RIN2: variants seen among roughly 807,000 people sequenced by gnomAD.
RIN2 encodes the protein RAB5 interacting protein 2.
A neutral mutation model predicts 78.0 loss-of-function variants in RIN2; 36 were observed. That is an observed-to-expected ratio of 0.46 (90% CI 0.35 to 0.61). The LOEUF (loss-of-function observed/expected upper bound fraction) is 0.61, where lower values mean the gene tolerates loss of function less well. RIN2 is among the 20% of genes least tolerant of loss of function. The pLI is 0.00. For missense variants in RIN2, 1,087 were observed against 1,159.7 expected (o/e 0.94, Z 0.91); for synonymous variants, 466 against 466.8 (o/e 1.00, Z 0.02).
rs186884979 is a variant in RIN2 at position 19,900,437 on chromosome 20, T to G, written c.57+10779T>G. On this transcript the variant is annotated intron_variant, in intron 3 of 12. Coordinates refer to ENST00000255006, the MANE Select transcript of RIN2 (RefSeq NM_018993.4). Reference sequence around the variant, plus strand: ...GGCAGAGGTTGCAGTGAGCTGAGATTGTGCCACTGCACTCCAGCCTGGGCA... The same window carrying G: ...GGCAGAGGTTGCAGTGAGCTGAGATGGTGCCACTGCACTCCAGCCTGGGCA... Among the ~76,000 whole-genome samples, 4 of 151,418 alleles carry G rather than the reference T, an allele frequency of 2.6e-5. No individual in the cohort carries two copies. In the East Asian group the frequency reaches 7.9e-4, roughly 30 times the overall value.
In RIN2 at chr20:19,885,100, T is replaced by G. The variant is rs75135870; in HGVS notation, c.-36-4466T>G. ...ACCTCATGCAGCACGGAGATGAGAATCCAGGACTTGAGTACACTAAGTGTC... is the reference window on the plus strand; with the variant it reads ...ACCTCATGCAGCACGGAGATGAGAAGCCAGGACTTGAGTACACTAAGTGTC... On this transcript the variant is annotated intron_variant, in intron 2 of 12. Coordinates refer to ENST00000255006, the MANE Select transcript of RIN2 (RefSeq NM_018993.4). Among the ~76,000 whole-genome samples the G allele has an allele frequency of 2.5e-3, 378 of 152,278 alleles. 3 individuals are homozygous for G. Among genetic ancestry groups the G allele is most frequent in the African/African-American group, 8.5e-3 (353 of 41,550 alleles).
chr20:19,793,201 G>A (rs939796088), intron 1 of RIN2, among the ~76,000 whole-genome samples: 9 of 152,070 alleles, frequency 5.9e-5, no homozygotes, highest in Admixed American at 2.0e-4. Flanking sequence ...ATAAGATATC[G>A]TATTTAATTC....
At chr20:19,916,036 C>T (rs1568605432) in intron 3 of RIN2, among the ~76,000 whole-genome samples, 1 of 152,042 alleles carries the variant, frequency 6.6e-6, no homozygotes, top group Non-Finnish European at 1.5e-5. Flanking sequence ...GGTCAAGAGA[C>T]CGAGACCATC....
At chr20:19,873,328 T>C (rs2037749035) in intron 2 of RIN2, among the ~76,000 whole-genome samples, 1 of 152,126 alleles carries the variant, frequency 6.6e-6, no homozygotes, top group Non-Finnish European at 1.5e-5. Context: ...GGTCTCACTA[T>C]GTTGCCAAGG....
intron 4 of RIN2, among the ~76,000 whole-genome samples, chr20:19,948,259 C>T (rs892423883): frequency 2.6e-5 from 4 of 152,188 alleles, no homozygotes; most frequent in African/African-American, 9.7e-5. Context: ...CGGGCCACAA[C>T]CACCTTATTT....
chr20:19,921,623 A>T (rs533488287), intron 3 of RIN2, among the ~76,000 whole-genome samples: 7 of 152,208 alleles, frequency 4.6e-5, no homozygotes, highest in African/African-American at 1.7e-4. Flanking sequence ...CTCTGGCTCC[A>T]GGAAGAACCC....
Position 19,956,646 on chromosome 20 carries a change from G to A in RIN2, c.190G>A (p.Glu64Lys), listed in dbSNP as rs372148044. 1.4e-5 allele frequency: 23 copies of A among 1,613,314 alleles called. No homozygotes were observed. Among genetic ancestry groups the A allele is most frequent in the African/African-American group, 4.0e-5 (3 of 74,900 alleles). The change falls in exon 5 of 13, where the codon GAG (glutamate) becomes AAG (lysine). Residue 64 changes from glutamate (E) to lysine (K), a missense_variant. Glu to Lys is a moderately conservative substitution (Grantham distance 56, BLOSUM62 1). Around this residue, in one of 8 missense-constraint regions of RIN2, gnomAD observed 706 missense variants for 667.5 expected, o/e 1.06. Transcript: ENST00000255006. Reference sequence around the variant, plus strand: ...AAGACACAAGGATGGTGGCTATTCCGAGGAAGAGGACGTGAAGACCTGTGC... The same window carrying A: ...AAGACACAAGGATGGTGGCTATTCCAAGGAAGAGGACGTGAAGACCTGTGC... ...MVRHKDGGYS[E>K]EEDVKTCARD...
chr20:19,951,021 C>G (rs1244824744), intron 4 of RIN2, among the ~76,000 whole-genome samples: 2 of 152,034 alleles, frequency 1.3e-5, no homozygotes, highest in African/African-American at 4.8e-5. Context: ...TCTTGAGTAG[C>G]TGGGACCAGA....
chr20:19,823,467 A>G, intron 2 of RIN2: 2 of 792,374 alleles, frequency 2.5e-6, no homozygotes, highest in Non-Finnish European at 4.5e-6. Context: ...GGCATTCTAC[A>G]GCACCACTGT....
intron 4 of RIN2, among the ~76,000 whole-genome samples, chr20:19,952,932 A>T (rs1025601948): frequency 1.3e-5 from 2 of 152,164 alleles, no homozygotes. Context: ...TGTTCCTTAC[A>T]GTGTTGTCCT....
At chr20:19,967,699 T>C (rs1244939874) in intron 7 of RIN2, among the ~76,000 whole-genome samples, 4 of 152,324 alleles carry the variant, frequency 2.6e-5, no homozygotes, top group South Asian at 2.1e-4. Context: ...CTAGAGTCAT[T>C]TGGAGTCTTG....
intron 1 of RIN2, among the ~76,000 whole-genome samples, chr20:19,781,349 C>T (rs962389323): frequency 2.6e-5 from 4 of 152,134 alleles, no homozygotes; most frequent in Admixed American, 1.3e-4. Flanking sequence ...AAGAGAACAT[C>T]GATAATGACT....
At chr20:19,815,622 T>C (rs2035743810) in intron 2 of RIN2, among the ~76,000 whole-genome samples, 1 of 152,210 alleles carries the variant, frequency 6.6e-6, no homozygotes, top group Non-Finnish European at 1.5e-5. Flanking sequence ...CGTGCATGTG[T>C]GTGGTTTTAA....
intron 2 of RIN2, among the ~76,000 whole-genome samples, chr20:19,887,876 G>A (rs554578429): frequency 1.3e-5 from 2 of 152,192 alleles, no homozygotes. Flanking sequence ...TTAAAACAGG[G>A]TATGCTTTTT....
At position 20,001,027 on chromosome 20, in the gene RIN2, A is replaced by C. The variant is rs913888766; in HGVS notation, c.*91A>C. ...ACATGCTTGAGCTTGAAAAGCAGTCACCTCCTCGGGGACCCCTCAGTGTAG... is the reference window on the plus strand; with the variant it reads ...ACATGCTTGAGCTTGAAAAGCAGTCCCCTCCTCGGGGACCCCTCAGTGTAG... On this transcript the variant is annotated 3_prime_UTR_variant, in exon 13 of 13. Coordinates refer to ENST00000255006, the MANE Select transcript of RIN2 (RefSeq NM_018993.4). 3.6e-5 allele frequency: 45 copies of C among 1,266,042 alleles called. No individual in the cohort carries two copies. The highest frequency in any genetic ancestry group is 4.9e-5 in the Non-Finnish European group (45 of 924,088). The allele number at this position is 1,266,042 out of a possible 1,614,324, so 78.4% of individuals were successfully genotyped here.
intron 2 of RIN2, among the ~76,000 whole-genome samples, chr20:19,843,424 C>G (rs2036641192): frequency 6.6e-6 from 1 of 152,168 alleles, no homozygotes; most frequent in Non-Finnish European, 1.5e-5. Context: ...TTTCAGCAAC[C>G]ACCACTCTGA....
chr20:19,825,637 A>C (rs925354042), intron 2 of RIN2, among the ~76,000 whole-genome samples: 2 of 152,184 alleles, frequency 1.3e-5, no homozygotes, highest in African/African-American at 4.8e-5. Context: ...GGTTGAGGAC[A>C]CTCAGAATAG....
At chr20:19,906,859 A>G (rs2039241354) in intron 3 of RIN2, among the ~76,000 whole-genome samples, 2 of 152,238 alleles carry the variant, frequency 1.3e-5, no homozygotes, top group South Asian at 4.1e-4. Context: ...CCACTGGAGT[A>G]TGACCTCTGA....
intron 2 of RIN2, among the ~76,000 whole-genome samples, chr20:19,879,444 T>C (rs1008521043): frequency 1.3e-5 from 2 of 152,208 alleles, no homozygotes; most frequent in African/African-American, 2.4e-5. Context: ...TATGTTGTTA[T>C]TTTGATATTA....
Sources: allele counts gnomAD v4.1 joint callset (sites outside exome capture counted in the v4.1 genomes callset), GRCh38; gene constraint gnomAD v4.1.1; regional missense constraint gnomAD v4.1.1; transcripts MANE v1.5; gene names NCBI Gene and HGNC (gene_info 2026-07-23, HGNC 2026-07-21).